The following PRKG2 variants were observed in gnomAD, a reference collection of about 807,000 sequenced individuals.
The protein encoded by PRKG2 is protein kinase cGMP-dependent 2, also known as cGMP-dependent protein kinase 2.
Under a neutral mutation model 97.2 loss-of-function variants are expected in PRKG2, and 33 were observed. The ratio of observed to expected loss-of-function variants is 0.34; its 90% confidence interval spans 0.26 to 0.45. The LOEUF (loss-of-function observed/expected upper bound fraction) is 0.45, where lower values mean the gene tolerates loss of function less well. Ranked by LOEUF, PRKG2 falls within the 20% of genes least tolerant of loss-of-function variation. The pLI, the probability that PRKG2 is intolerant of heterozygous loss-of-function variation, is 1.00. For missense variants in PRKG2, 638 were observed against 900.0 expected (o/e 0.71, Z 3.73); for synonymous variants, 330 against 321.8 (o/e 1.03, Z -0.27).
intron 2 of PRKG2, among the ~76,000 whole-genome samples, chr4:81,194,729 G>T (rs1275282325): frequency 6.6e-6 from 1 of 152,158 alleles, no homozygotes; most frequent in Non-Finnish European, 1.5e-5. Flanking sequence ...TCAATGACAG[G>T]CATAATTATC....
At chr4:81,210,724 CAT>C (rs1367567813) in intron 1 of PRKG2, among the ~76,000 whole-genome samples, 4 of 152,152 alleles carry the variant, frequency 2.6e-5, no homozygotes, top group African/African-American at 9.7e-5. Context: ...TGATATGAGA[CAT>C]ATGTTTTCAC....
intron 1 of PRKG2, among the ~76,000 whole-genome samples, chr4:81,214,569 G>GCAAGCCCTGACAGCACCGC (rs1358858655): frequency 6.6e-6 from 1 of 152,024 alleles, no homozygotes; most frequent in East Asian, 1.9e-4. Flanking sequence ...AGCCGGGAGC[G>GCAAGCCCTGACAGCACCGC]CAAGCCCTGA....
At chr4:81,143,548 G>A (rs1747509471) in intron 10 of PRKG2, among the ~76,000 whole-genome samples, 1 of 151,930 alleles carries the variant, frequency 6.6e-6, no homozygotes, top group African/African-American at 2.4e-5. Flanking sequence ...TACCGGTCTG[G>A]GTTACATATT....
chr4:81,129,874 A>G (rs1745993327), intron 14 of PRKG2, among the ~76,000 whole-genome samples: 1 of 152,188 alleles, frequency 6.6e-6, no homozygotes, highest in South Asian at 2.1e-4. Flanking sequence ...TCCTGTCATT[A>G]TGATGATAGC....
At position 81,142,948 on chromosome 4, in the gene PRKG2, C is replaced by A; in HGVS notation, c.1254-1G>T. The A allele has an allele frequency of 6.2e-7, 1 of 1,604,778 alleles. No homozygotes were observed. Among genetic ancestry groups the A allele is most frequent in the Non-Finnish European group, 8.5e-7 (1 of 1,174,166 alleles). On this transcript the variant is annotated splice_acceptor_variant, in intron 10 of 18. Coordinates refer to ENST00000264399, the MANE Select transcript of PRKG2 (RefSeq NM_006259.3). LOFTEE classifies it high-confidence loss of function. ...CAGCTTCCAGTTAGACATGGACCGCCTGTACAAGAGAAGTGAAACTTTACA... is the reference window on the plus strand; with the variant it reads ...CAGCTTCCAGTTAGACATGGACCGCATGTACAAGAGAAGTGAAACTTTACA...
At chr4:81,169,892 T>C in intron 4 of PRKG2, 124 bp from the exon 5 acceptor site, 1 of 582,806 alleles carries the variant, frequency 1.7e-6, no homozygotes, top group Non-Finnish European at 2.8e-6. Context: ...ATGTATTATT[T>C]AAACATACAA....
chr4:81,131,330 C>T (rs1465979668), intron 14 of PRKG2, among the ~76,000 whole-genome samples: 1 of 149,274 alleles, frequency 6.7e-6, no homozygotes, highest in African/African-American at 2.6e-5. Context: ...ATGAGATAAG[C>T]TGGGTATCTC....
chr4:81,181,747 T>C (rs1051823343), intron 2 of PRKG2, among the ~76,000 whole-genome samples: 3 of 151,966 alleles, frequency 2.0e-5, no homozygotes, highest in African/African-American at 4.8e-5. Flanking sequence ...AACTTTATAG[T>C]TAAAAATTAA....
intron 14 of PRKG2, among the ~76,000 whole-genome samples, chr4:81,112,921 G>C (rs1362036335): frequency 1.3e-5 from 2 of 152,116 alleles, no homozygotes; most frequent in Non-Finnish European, 2.9e-5. Flanking sequence ...ATAACTCAAT[G>C]AATATTTATT....
In PRKG2 at chr4:81,153,936, G is replaced by A. The variant is rs367669558; in HGVS notation, c.913-215C>T. On this transcript the variant is annotated intron_variant, in intron 6 of 18. Transcript: ENST00000264399. ...CACCGTGCGCGAGCCGAAGCAGGGC[G>A]AGGCATTGCCTCACTCAGCAAGCAC... Among the ~76,000 whole-genome samples, 51 of 152,254 alleles carry A rather than the reference G, an allele frequency of 3.3e-4. No individual in the cohort carries two copies. The East Asian group carries it at 9.3e-3, about 28-fold the overall frequency.
intron 6 of PRKG2, among the ~76,000 whole-genome samples, chr4:81,163,303 A>G (rs1041714281): frequency 1.3e-5 from 2 of 152,132 alleles, no homozygotes; most frequent in Non-Finnish European, 2.9e-5. Flanking sequence ...GGTCACTGAG[A>G]CCAAAAAGAG....
At chr4:81,202,687 C>A (rs1753391761) in intron 2 of PRKG2, among the ~76,000 whole-genome samples, 1 of 151,668 alleles carries the variant, frequency 6.6e-6, no homozygotes. Context: ...TATAGACAGA[C>A]AGAAAGAAGT....
intron 1 of PRKG2, among the ~76,000 whole-genome samples, chr4:81,206,440 T>C (rs1753657799): frequency 6.6e-6 from 1 of 152,150 alleles, no homozygotes; most frequent in Non-Finnish European, 1.5e-5. Context: ...GGAGTTTGCC[T>C]TTGCTTTTCC....
chr4:81,209,062 T>C (rs1753832869), intron 1 of PRKG2, among the ~76,000 whole-genome samples: 1 of 152,150 alleles, frequency 6.6e-6, no homozygotes, highest in Non-Finnish European at 1.5e-5. Context: ...GAGACAGCAA[T>C]CGAATGAGTA....
upstream of PRKG2, among the ~76,000 whole-genome samples, chr4:81,217,803 A>G (rs1231558865): frequency 2.0e-5 from 3 of 152,244 alleles, no homozygotes; most frequent in Non-Finnish European, 4.4e-5. Context: ...TTAAATTATA[A>G]GGAAACTTAC....
intron 17 of PRKG2, among the ~76,000 whole-genome samples, chr4:81,094,875 G>A (rs1208835991): frequency 1.3e-5 from 2 of 152,208 alleles, no homozygotes; most frequent in Non-Finnish European, 2.9e-5. Context: ...ATTTCTACGT[G>A]TAGTGAAAGA....
chr4:81,098,023 G>C (rs1162987187), intron 17 of PRKG2, among the ~76,000 whole-genome samples: 1 of 152,082 alleles, frequency 6.6e-6, no homozygotes, highest in African/African-American at 2.4e-5. Context: ...ACTGATCTTG[G>C]GTGTGTTTGT....
At chr4:81,150,946 C>A (rs1038456481) in intron 8 of PRKG2, among the ~76,000 whole-genome samples, 2 of 152,050 alleles carry the variant, frequency 1.3e-5, no homozygotes, top group African/African-American at 4.8e-5. Context: ...CTTTAAATCC[C>A]ACTTTTAAAT....
intron 1 of PRKG2, among the ~76,000 whole-genome samples, chr4:81,214,728 G>T (rs1238882701): frequency 6.6e-6 from 1 of 152,152 alleles, no homozygotes; most frequent in East Asian, 1.9e-4. Flanking sequence ...CTGCCTCCAG[G>T]AGCTCACGAA....
Sources: allele counts gnomAD v4.1 joint callset (sites outside exome capture counted in the v4.1 genomes callset), GRCh38; gene constraint gnomAD v4.1.1; transcripts MANE v1.5; gene names NCBI Gene and HGNC (gene_info 2026-07-23, HGNC 2026-07-21).